Variants in HTRA1 observed in about 807,000 individuals in gnomAD.
The protein encoded by HTRA1 is serine protease HTRA1.
HTRA1 carries 26 observed loss-of-function variants against 49.7 expected under a neutral mutation model. The ratio of observed to expected loss-of-function variants is 0.52; its 90% CI spans 0.38 to 0.73. The LOEUF is 0.73. Ranked by LOEUF, HTRA1 falls within the 30% of genes least tolerant of loss-of-function variation. The pLI, the probability that HTRA1 is intolerant of heterozygous loss-of-function variation, is 0.00. For synonymous variants in HTRA1, 291 were observed against 286.9 expected (o/e 1.01, Z -0.14); for missense variants, 561 against 667.2 (o/e 0.84, Z 1.75).
chr10:122,513,497 C>T (rs1294479910), intron 8 of HTRA1, among the ~76,000 whole-genome samples: 1 of 151,668 alleles, frequency 6.6e-6, no homozygotes, highest in African/African-American at 2.4e-5. Context: ...ATGATTTAGC[C>T]TAAAAATCTC....
At chr10:122,471,783 C>T (rs1263341199) in intron 1 of HTRA1, among the ~76,000 whole-genome samples, 1 of 152,166 alleles carries the variant, frequency 6.6e-6, no homozygotes, top group Non-Finnish European at 1.5e-5. Context: ...GCATCTCAGC[C>T]GCATCCTCCT....
rs1565427091 is a variant in HTRA1 at position 122,496,224 on chromosome 10, G to GTTTTTT, written c.777+6598_777+6599insTTTTTT. Reference sequence around the variant, plus strand: ...GCCCTTTCGTTTGCCAGAGATTGTGGGTTCTTTTTTTTTTTTTTTTTTTTT... The same window carrying GTTTTTT: ...GCCCTTTCGTTTGCCAGAGATTGTGGTTTTTTGTTCTTTTTTTTTTTTTTTTTTTTT... On this transcript the variant is annotated intron_variant, in intron 3 of 8. Transcript: ENST00000368984. Among the ~76,000 whole-genome samples, 260 of 32,084 alleles carry GTTTTTT rather than the reference G, an allele frequency of 8.1e-3. 14 individuals carry two copies. The highest frequency in any genetic ancestry group is 0.036 in the East Asian group (59 of 1,646). 21.0% of individuals were successfully genotyped at this position (32,084 alleles called of 152,430 possible).
chr10:122,472,687 G>A (rs933809130), intron 1 of HTRA1, among the ~76,000 whole-genome samples: 9 of 152,128 alleles, frequency 5.9e-5, no homozygotes, highest in African/African-American at 1.9e-4. Flanking sequence ...GAGCTACCAT[G>A]CCTGGCCTAA....
At chr10:122,477,184 G>A (rs1485300978) in intron 1 of HTRA1, among the ~76,000 whole-genome samples, 1 of 151,992 alleles carries the variant, frequency 6.6e-6, no homozygotes, top group Non-Finnish European at 1.5e-5. Flanking sequence ...AGCCAGGACG[G>A]TCTCGATCTC....
At chr10:122,478,318 G>C (rs1232030693) in intron 1 of HTRA1, among the ~76,000 whole-genome samples, 2 of 151,874 alleles carry the variant, frequency 1.3e-5, no homozygotes, top group Admixed American at 1.3e-4. Flanking sequence ...AGAGAGGATG[G>C]GTACCTTGCC....
In HTRA1 at chr10:122,489,570, A is replaced by C; in HGVS notation, c.721A>C (p.Lys241Gln). The change falls in exon 3 of 9, where the codon AAA becomes CAA. Residue 241 changes from lysine to glutamine, a missense_variant. Coordinates refer to ENST00000368984, the MANE Select transcript of HTRA1 (RefSeq NM_002775.5). ...GAAGAACGGTGCCACTTACGAAGCC[A>C]AAATCAAGGATGTGGATGAGAAAGC... Reference protein sequence around the residue: ...ELKNGATYEAKIKDVDEKADI... With the variant: ...ELKNGATYEAQIKDVDEKADI... 6.2e-7 allele frequency: 1 copy of C among 1,614,194 alleles called. No homozygotes were observed. Among genetic ancestry groups the C allele is most frequent in the South Asian group, 1.1e-5 (1 of 91,084 alleles).
At chr10:122,504,463 G>C (rs2097502219) in intron 3 of HTRA1, among the ~76,000 whole-genome samples, 1 of 152,194 alleles carries the variant, frequency 6.6e-6, no homozygotes, top group African/African-American at 2.4e-5. Flanking sequence ...TGGTGAAGCA[G>C]ACGCCTGCTG....
At chr10:122,470,428 T>C (rs189378189) in intron 1 of HTRA1, among the ~76,000 whole-genome samples, 9 of 152,128 alleles carry the variant, frequency 5.9e-5, no homozygotes, top group Admixed American at 2.0e-4. Flanking sequence ...TCCTAAAGCA[T>C]TGAAATCCAA....
intron 1 of HTRA1, among the ~76,000 whole-genome samples, chr10:122,466,307 A>G (rs1325069330): frequency 6.6e-6 from 1 of 152,088 alleles, no homozygotes; most frequent in African/African-American, 2.4e-5. Flanking sequence ...CTGGGACTAC[A>G]GGCACCCGCC....
intron 3 of HTRA1, among the ~76,000 whole-genome samples, chr10:122,503,002 T>C (rs2097501590): frequency 6.6e-6 from 1 of 152,248 alleles, no homozygotes; most frequent in Admixed American, 6.5e-5. Context: ...CCTGTTTACT[T>C]CTAGGCTTAC....
rs2097497589 is a variant in HTRA1 at position 122,494,480 on chromosome 10, G to C, written c.777+4854G>C. 6.6e-6 allele frequency among the ~76,000 whole-genome samples: 1 copy of C among 152,240 alleles called. No individual in the cohort carries two copies. The highest frequency in any genetic ancestry group is 2.4e-5 in the African/African-American group (1 of 41,476). On this transcript the variant is annotated intron_variant, in intron 3 of 8. Transcript: ENST00000368984. The surrounding 1 kb of genome is among the most constrained non-coding windows in gnomAD (Gnocchi z 4.0). ...TGGAGTTTGATGGACACGTGGTCCT[G>C]TCAGGGCTACAGCAGGTCTATGGTC...
chr10:122,504,360 C>T (rs1037263850), intron 3 of HTRA1, among the ~76,000 whole-genome samples: 3 of 152,108 alleles, frequency 2.0e-5, no homozygotes, highest in Non-Finnish European at 4.4e-5. Context: ...TAGGAGGCGC[C>T]AAGGGGTGGT....
chr10:122,491,250 T>C (rs2097495638), intron 3 of HTRA1, among the ~76,000 whole-genome samples: 1 of 152,208 alleles, frequency 6.6e-6, no homozygotes, highest in Non-Finnish European at 1.5e-5. Flanking sequence ...CTCATGACCC[T>C]GCCCTCCTAA....
intron 3 of HTRA1, among the ~76,000 whole-genome samples, chr10:122,505,273 GT>G (rs1224662420): frequency 4.6e-5 from 7 of 152,114 alleles, no homozygotes; most frequent in African/African-American, 1.7e-4. Context: ...GGTCCTCTTG[GT>G]ATCTGTGATC....
intron 7 of HTRA1, among the ~76,000 whole-genome samples, chr10:122,511,424 T>C (rs1194792529): frequency 1.3e-5 from 2 of 152,162 alleles, no homozygotes; most frequent in African/African-American, 4.8e-5. Context: ...TAGCTACTAT[T>C]AATTAAGAAA....
Position 122,461,626 on chromosome 10 carries a change from GCCA to G in HTRA1, c.-24_-22del. On this transcript the variant is annotated 5_prime_UTR_variant, in exon 1 of 9. Transcript: ENST00000368984. ...CTCTCCGGCCCTCGCCCTGTCCGCC[GCCA>G]CCGCCGCCGCCGCCAGAGTCGCCAT... 1 of 1,277,276 alleles carries G rather than the reference GCCA, an allele frequency of 7.8e-7. No individual in the cohort carries two copies. Among genetic ancestry groups the G allele is most frequent in the Non-Finnish European group, 1.0e-6 (1 of 988,204 alleles). The allele number at this position is 1,277,276 out of a possible 1,614,324, so 79.1% of individuals were successfully genotyped here. A position where few individuals can be genotyped will look rare whatever the true frequency, so the allele number is the denominator to read the frequency against.
chr10:122,495,530 C>T lies in HTRA1; in HGVS notation c.777+5904C>T, dbSNP rs543607086. 2.6e-5 allele frequency among the ~76,000 whole-genome samples: 4 copies of T among 152,294 alleles called. No individual in the cohort carries two copies. The South Asian group carries it at 6.2e-4, about 24-fold the overall frequency. ...CCTAAGCTCTTGATTGCAGCTCCTT[C>T]TGGCTTGGGAAACGTTTCAGTTCCC... On this transcript the variant is annotated intron_variant, in intron 3 of 8. Transcript: ENST00000368984.
intron 3 of HTRA1, among the ~76,000 whole-genome samples, chr10:122,498,814 G>A (rs2672606): frequency 1.3e-5 from 2 of 151,746 alleles, no homozygotes; most frequent in African/African-American, 4.8e-5. Context: ...TGTGAATAAA[G>A]CCCTATGAGC....
chr10:122,496,172 G>C (rs1016549164), intron 3 of HTRA1, among the ~76,000 whole-genome samples: 1 of 148,198 alleles, frequency 6.7e-6, no homozygotes, highest in Non-Finnish European at 1.5e-5. Context: ...TGGCCGCGGC[G>C]AGCAGGAAGA....
Sources: allele counts gnomAD v4.1 joint callset (sites outside exome capture counted in the v4.1 genomes callset), GRCh38; gene constraint gnomAD v4.1.1; non-coding constraint Gnocchi (gnomAD v3.1); transcripts MANE v1.5; gene names NCBI Gene and HGNC (gene_info 2026-07-23, HGNC 2026-07-21).